Variants in ABCC4 observed in about 807,000 individuals in gnomAD.
ABCC4 encodes the protein ATP binding cassette subfamily C member 4 (PEL blood group).
Under a neutral mutation model 168.5 loss-of-function variants are expected in ABCC4, and 102 were observed. The ratio of observed to expected loss-of-function variants is 0.61; its 90% CI spans 0.52 to 0.71. ABCC4 has a LOEUF of 0.71. ABCC4 is among the 30% of genes least tolerant of loss of function. The pLI, the probability that ABCC4 is intolerant of heterozygous loss-of-function variation, is 0.00. For missense variants in ABCC4, 1,402 were observed against 1,605.8 expected, an observed-to-expected ratio of 0.87 and a Z score of 2.17; for synonymous variants, 617 against 590.7, an observed-to-expected ratio of 1.04 and a Z score of -0.65.
chr13:95,222,782 T>C (rs2039343611), intron 4 of ABCC4, among the ~76,000 whole-genome samples: 1 of 152,064 alleles, frequency 6.6e-6, no homozygotes, highest in Non-Finnish European at 1.5e-5. Flanking sequence ...TCCAGAGAAA[T>C]AATTCTCAAA....
At position 95,156,826 on chromosome 13, in the gene ABCC4, CT is replaced by C. The variant is rs1369409107; in HGVS notation, c.2455+4362del. ...ACCGGCTCTTGGCAGGGCGCGGTAGCTCACGCCTGTAATCCCAGCACTTTAG... is the reference window on the plus strand; with the variant it reads ...ACCGGCTCTTGGCAGGGCGCGGTAGCCACGCCTGTAATCCCAGCACTTTAG... On this transcript the variant is annotated intron_variant, in intron 19 of 30. Transcript: ENST00000645237. Among the ~76,000 whole-genome samples the C allele has an allele frequency of 8.5e-5, 13 of 152,240 alleles. No individual in the cohort carries two copies. The East Asian group carries it at 1.9e-3, about 23-fold the overall frequency.
At chr13:95,129,771 T>G (rs1165651127) in intron 19 of ABCC4, among the ~76,000 whole-genome samples, 2 of 151,986 alleles carry the variant, frequency 1.3e-5, no homozygotes, top group Non-Finnish European at 2.9e-5. Context: ...CAAGAAAAAC[T>G]TAAGAATCTT....
intron 4 of ABCC4, among the ~76,000 whole-genome samples, chr13:95,213,049 C>G (rs532277607): frequency 6.6e-4 from 100 of 152,098 alleles, no homozygotes; most frequent in Admixed American, 1.4e-3. Flanking sequence ...ATCACTTGAA[C>G]CCAGGAGGCA....
At chr13:95,288,786 G>T (rs967208521) in intron 1 of ABCC4, among the ~76,000 whole-genome samples, 3 of 152,134 alleles carry the variant, frequency 2.0e-5, no homozygotes, top group Non-Finnish European at 4.4e-5. Context: ...AAGGATGGGG[G>T]ATAAATTTAG....
In ABCC4 at chr13:95,097,034, T is replaced by A. The variant is rs9561783; in HGVS notation, c.2536-13744A>T. On this transcript the variant is annotated intron_variant, in intron 20 of 30. Coordinates refer to ENST00000645237, the MANE Select transcript of ABCC4 (RefSeq NM_005845.5). Reference sequence around the variant, plus strand: ...ATAGCATATGTAGAAGTAAACAATATGACAACATAAGCCCAAAGAATAGCA... The same window carrying A: ...ATAGCATATGTAGAAGTAAACAATAAGACAACATAAGCCCAAAGAATAGCA... 3.9e-5 allele frequency among the ~76,000 whole-genome samples: 6 copies of A among 152,252 alleles called. No individual in the cohort carries two copies. In the East Asian group the frequency reaches 1.2e-3, roughly 29 times the overall value.
At chr13:95,215,803 C>T (rs9516540) in intron 4 of ABCC4, among the ~76,000 whole-genome samples, 2 of 151,902 alleles carry the variant, frequency 1.3e-5, no homozygotes, top group African/African-American at 4.8e-5. Context: ...TAATAATTTG[C>T]GAGTTATAGC....
chr13:95,225,208 A>G (rs114827818), intron 4 of ABCC4, among the ~76,000 whole-genome samples: 2,222 of 150,868 alleles, frequency 0.015, 66 homozygotes, highest in African/African-American at 0.052. Flanking sequence ...CACACAGAGT[A>G]TATTTGTTTT....
chr13:95,274,302 G>A (rs746235394), intron 1 of ABCC4, among the ~76,000 whole-genome samples: 15 of 152,110 alleles, frequency 9.9e-5, no homozygotes, highest in Non-Finnish European at 1.9e-4. Context: ...TCTCTGGCTG[G>A]GGAGAGACTG....
At chr13:95,240,665 T>C (rs2039915179) in intron 3 of ABCC4, among the ~76,000 whole-genome samples, 1 of 152,108 alleles carries the variant, frequency 6.6e-6, no homozygotes, top group Non-Finnish European at 1.5e-5. Context: ...AGAGGCTTAG[T>C]ATTCTATTAT....
At position 95,168,778 on chromosome 13, in the gene ABCC4, G is replaced by C. The variant is rs535067807; in HGVS notation, c.1824+1754C>G. 3.9e-5 allele frequency among the ~76,000 whole-genome samples: 6 copies of C among 152,306 alleles called. No homozygotes were observed. The South Asian group carries it at 1.0e-3, about 26-fold the overall frequency. On this transcript the variant is annotated intron_variant, in intron 14 of 30. Coordinates refer to ENST00000645237, the MANE Select transcript of ABCC4 (RefSeq NM_005845.5). Reference sequence around the variant, plus strand: ...CTGCATGAAACCACCGCTGGGCTGAGAAGTTCTCACTAACCTCCATGTCCC... The same window carrying C: ...CTGCATGAAACCACCGCTGGGCTGACAAGTTCTCACTAACCTCCATGTCCC...
intron 30 of ABCC4, among the ~76,000 whole-genome samples, chr13:95,021,988 G>T (rs1246123673): frequency 3.3e-5 from 5 of 152,130 alleles, no homozygotes; most frequent in Non-Finnish European, 5.9e-5. Flanking sequence ...TCAAAACCTG[G>T]AGATAAATTA....
intron 4 of ABCC4, among the ~76,000 whole-genome samples, chr13:95,211,684 C>A (rs936669385): frequency 2.0e-5 from 3 of 151,958 alleles, no homozygotes; most frequent in African/African-American, 7.3e-5. Flanking sequence ...CAATATGGAA[C>A]AGTACGTGTG....
chr13:95,041,974 T>C (rs1479842972), intron 29 of ABCC4, among the ~76,000 whole-genome samples: 1 of 152,156 alleles, frequency 6.6e-6, no homozygotes. Context: ...TTACTTAAAT[T>C]TATACCTCCT....
chr13:95,041,931 T>C (rs762422598), intron 29 of ABCC4, among the ~76,000 whole-genome samples: 2 of 152,186 alleles, frequency 1.3e-5, no homozygotes, highest in African/African-American at 2.4e-5. Context: ...AAAATAGTTC[T>C]CACAAAGAAT....
chr13:95,164,036 A>G (rs58370616), intron 16 of ABCC4, among the ~76,000 whole-genome samples: 33,141 of 138,098 alleles, frequency 0.24, 4,818 homozygotes, highest in African/African-American at 0.4. Flanking sequence ...GCAAAACTCC[A>G]TCTCAAAAAA....
chr13:95,122,940 G>C (rs1027559310), intron 19 of ABCC4, among the ~76,000 whole-genome samples: 2 of 152,182 alleles, frequency 1.3e-5, no homozygotes, highest in African/African-American at 4.8e-5. Flanking sequence ...GTTGTTTCTT[G>C]CCTTTTCATA....
intron 8 of ABCC4, 113 bp downstream of exon 8, chr13:95,206,419 T>G: frequency 7.1e-7 from 1 of 1,408,928 alleles, no homozygotes; most frequent in Admixed American, 2.0e-5. Context: ...CGGCACGTTT[T>G]GGTTATGAGA....
At chr13:95,149,038 T>A (rs545084782) in intron 19 of ABCC4, 1 of 152,342 alleles carries the variant, frequency 6.6e-6, no homozygotes, top group African/African-American at 2.4e-5. Context: ...ATGAGCTAAA[T>A]CTATTCATCT....
chr13:95,196,731 A>G lies in ABCC4; in HGVS notation c.1162-1794T>C, dbSNP rs868057983. Reference sequence around the variant, plus strand: ...AAGGAAGGAAGGAAGGAAGGAAGGAAGAAGGGAGGGAGGGAAGGAAGGAAA... The same window carrying G: ...AAGGAAGGAAGGAAGGAAGGAAGGAGGAAGGGAGGGAGGGAAGGAAGGAAA... On this transcript the variant is annotated intron_variant, in intron 8 of 30. Coordinates refer to ENST00000645237, the MANE Select transcript of ABCC4 (RefSeq NM_005845.5). Among the ~76,000 whole-genome samples, 10 of 81,408 alleles carry G rather than the reference A, an allele frequency of 1.2e-4. 1 individual carries two copies. The highest frequency in any genetic ancestry group is 4.4e-4 in the South Asian group (1 of 2,252). 53.4% of individuals were successfully genotyped at this position (81,408 alleles called of 152,430 possible). A position where few individuals can be genotyped will look rare whatever the true frequency, so the allele number is the denominator to read the frequency against.
Sources: gnomAD v4.1 joint callset for allele counts (sites outside exome capture counted in the v4.1 genomes callset) on GRCh38, gnomAD v4.1.1 for gene constraint, MANE v1.5 for transcripts, NCBI Gene and HGNC (gene_info 2026-07-23, HGNC 2026-07-21) for gene names.